Variants in GALNT13 observed in about 807,000 individuals in gnomAD.
The protein encoded by GALNT13 is polypeptide N-acetylgalactosaminyltransferase 13, also known as UDP-GalNAc:polypeptide N-acetylgalactosaminyltransferase 13.
In GALNT13, 28 loss-of-function variants were observed where a neutral mutation model predicts 64.2. That is an observed-to-expected ratio of 0.44 (90% CI 0.32 to 0.60). The LOEUF is 0.60. Ranked by LOEUF, GALNT13 falls within the 20% of genes least tolerant of loss-of-function variation. The pLI is 0.05. For synonymous variants in GALNT13, 214 were observed against 224.6 expected, an observed-to-expected ratio of 0.95 and a Z score of 0.42; for missense variants, 577 against 669.8, an observed-to-expected ratio of 0.86 and a Z score of 1.53.
chr2:153,497,459 G>A, the GALNT13 span, among the ~76,000 whole-genome samples: 1 of 131,948 alleles, frequency 7.6e-6, no homozygotes, highest in Non-Finnish European at 1.6e-5. Context: ...CCATAACTAT[G>A]TATTGGATTT....
chr2:153,616,504 A>T, the GALNT13 span, among the ~76,000 whole-genome samples: 5,812 of 152,112 alleles, frequency 0.038, 141 homozygotes, highest in Middle Eastern at 0.065. Flanking sequence ...TTGAATCTAT[A>T]GATTGCTTTG....
the GALNT13 span, among the ~76,000 whole-genome samples, chr2:153,404,537 A>G: frequency 1.5e-4 from 23 of 152,074 alleles, no homozygotes; most frequent in Non-Finnish European, 2.5e-4. Context: ...TTTAGAAAAA[A>G]AATCTAGGAA....
the GALNT13 span, among the ~76,000 whole-genome samples, chr2:153,279,842 C>G: frequency 1.3e-5 from 2 of 151,214 alleles, no homozygotes; most frequent in Non-Finnish European, 2.9e-5. Context: ...TTCATTGTGT[C>G]TTTGTCAGGC....
intron 3 of GALNT13, among the ~76,000 whole-genome samples, chr2:154,113,898 A>C (rs1466452637): frequency 6.6e-6 from 1 of 152,230 alleles, no homozygotes; most frequent in African/African-American, 2.4e-5. Flanking sequence ...TGCATTTGCC[A>C]AATCAGTGTC....
chr2:154,010,033 G>GT (rs943485738), intron 3 of GALNT13, among the ~76,000 whole-genome samples: 8 of 152,078 alleles, frequency 5.3e-5, no homozygotes, highest in Admixed American at 1.3e-4. Context: ...TTGCTAAAGT[G>GT]TTTTTTAATC....
chr2:154,409,336 T>C, intron 11 of GALNT13: 1 of 434,292 alleles, frequency 2.3e-6, no homozygotes, highest in Non-Finnish European at 4.2e-6. Flanking sequence ...TAGACACATC[T>C]CATTTTATCA....
Position 154,327,202 on chromosome 2 carries a change from A to T in GALNT13, c.1156+25613A>T, listed in dbSNP as rs552552560. 3.9e-5 allele frequency among the ~76,000 whole-genome samples: 6 copies of T among 152,068 alleles called. No individual in the cohort carries two copies. In the East Asian group the frequency reaches 1.2e-3, roughly 30 times the overall value. ...TTCCTCCTTCGTTCCTTTGTTCGGC[A>T]TTTCTCCTTCCTGTCGCCTTGTGAA... On this transcript the variant is annotated intron_variant, in intron 9 of 12. Coordinates refer to ENST00000392825, the MANE Select transcript of GALNT13 (RefSeq NM_052917.4).
chr2:153,094,551 T>C, the GALNT13 span, among the ~76,000 whole-genome samples: 1 of 152,198 alleles, frequency 6.6e-6, no homozygotes, highest in East Asian at 1.9e-4. Flanking sequence ...AAAGTTCATA[T>C]GGAACCAAAA....
chr2:153,614,942 C>A, the GALNT13 span, among the ~76,000 whole-genome samples: 3 of 151,746 alleles, frequency 2.0e-5, no homozygotes, highest in African/African-American at 7.3e-5. Context: ...CTATAGTAAC[C>A]CTGTTGTGTT....
the GALNT13 span, among the ~76,000 whole-genome samples, chr2:153,363,590 G>A: frequency 6.6e-6 from 1 of 152,168 alleles, no homozygotes; most frequent in Admixed American, 6.5e-5. Flanking sequence ...ACTACCATCA[G>A]AGAATATTAT....
chr2:153,136,014 G>A, the GALNT13 span, among the ~76,000 whole-genome samples: 1 of 152,028 alleles, frequency 6.6e-6, no homozygotes, highest in African/African-American at 2.4e-5. Flanking sequence ...CTATACAGGG[G>A]GAGAGACATT....
the GALNT13 span, among the ~76,000 whole-genome samples, chr2:153,328,188 G>A: frequency 2.0e-5 from 3 of 152,164 alleles, no homozygotes; most frequent in Non-Finnish European, 2.9e-5. Flanking sequence ...TCATCCCTGA[G>A]GGGCAGTTGC....
intron 2 of GALNT13, among the ~76,000 whole-genome samples, chr2:153,939,270 A>T (rs1691171519): frequency 6.6e-6 from 1 of 152,192 alleles, no homozygotes; most frequent in African/African-American, 2.4e-5. Context: ...CAGAGAAAGC[A>T]CAATCGCACA....
chr2:153,867,859 G>A (rs1685793104), upstream of GALNT13, among the ~76,000 whole-genome samples: 1 of 152,074 alleles, frequency 6.6e-6, no homozygotes, highest in Admixed American at 6.6e-5. Context: ...CTTACAGGAG[G>A]TGGAGCTCAG....
At chr2:153,962,043 G>A (rs1049932869) in intron 3 of GALNT13, among the ~76,000 whole-genome samples, 1 of 152,126 alleles carries the variant, frequency 6.6e-6, no homozygotes, top group Non-Finnish European at 1.5e-5. Flanking sequence ...GAAACTTGAT[G>A]TAACTTCATT....
the GALNT13 span, among the ~76,000 whole-genome samples, chr2:153,740,188 T>A: frequency 6.6e-6 from 1 of 152,014 alleles, no homozygotes; most frequent in Non-Finnish European, 1.5e-5. Context: ...ATTTTCAACC[T>A]GGTTACTTCT....
At chr2:154,435,534 A>C (rs908241051) in intron 11 of GALNT13, among the ~76,000 whole-genome samples, 14 of 152,222 alleles carry the variant, frequency 9.2e-5, no homozygotes, top group African/African-American at 1.9e-4. Flanking sequence ...AAAGGAACTC[A>C]TAAGTAGTTA....
chr2:154,356,175 T>C (rs1696738512), intron 9 of GALNT13, among the ~76,000 whole-genome samples: 1 of 152,026 alleles, frequency 6.6e-6, no homozygotes, highest in African/African-American at 2.4e-5. Flanking sequence ...ATCTACAGAT[T>C]TGCCCATTAG....
the GALNT13 span, among the ~76,000 whole-genome samples, chr2:153,543,075 G>A: frequency 2.0e-5 from 3 of 152,192 alleles, no homozygotes; most frequent in Non-Finnish European, 2.9e-5. Context: ...TGCCTTGGAA[G>A]CTGCAATTTG....
Sources: allele counts gnomAD v4.1 joint callset (sites outside exome capture counted in the v4.1 genomes callset), GRCh38; gene constraint gnomAD v4.1.1; transcripts MANE v1.5; gene names NCBI Gene and HGNC (gene_info 2026-07-23, HGNC 2026-07-21).